The following SEPTIN9 variants were observed in gnomAD, a reference collection of about 807,000 sequenced individuals.
The protein encoded by SEPTIN9 is septin-9.
In SEPTIN9, 13 loss-of-function variants were observed where a neutral mutation model predicts 56.6. That is an observed-to-expected ratio of 0.23 (90% CI 0.15 to 0.37). The LOEUF is 0.37. Among genes scored for constraint, SEPTIN9 ranks in the 10% least tolerant of loss-of-function variants. The probability of loss-of-function intolerance (pLI) is 1.00; values close to 1 mark genes in which losing one functional copy is unlikely to be tolerated. For missense variants in SEPTIN9, 650 were observed against 823.1 expected (o/e 0.79, Z 2.57); for synonymous variants, 332 against 334.1 (o/e 0.99, Z 0.07).
intron 2 of SEPTIN9, among the ~76,000 whole-genome samples, chr17:77,385,086 C>T (rs9915085): frequency 0.22 from 32,648 of 151,606 alleles, 3,706 homozygotes; most frequent in East Asian, 0.5. Context: ...AATCCCAACA[C>T]TCTGGGAGGC....
At position 77,487,487 on chromosome 17, in the gene SEPTIN9, A is replaced by G; in HGVS notation, c.977A>G (p.Lys326Arg). The change falls in exon 5 of 12, where the codon AAG (lysine) becomes AGG (arginine). Residue 326 changes from lysine to arginine, a missense_variant. Physicochemically the swap from Lys to Arg is conservative, Grantham distance 26. This residue lies in a region of SEPTIN9 where 333 missense variants were observed against 494.0 expected (regional missense o/e 0.67). Coordinates refer to ENST00000427177, the MANE Select transcript of SEPTIN9 (RefSeq NM_001113491.2). The surrounding 1 kb of genome is among the most constrained non-coding windows in gnomAD (Gnocchi z 4.3). ...NTLFKSKISR[K>R]SVQPTSEERI... ...CTCTTCAAATCCAAAATCAGCCGGA[A>G]GTCGGTGCAGCCCACCTCAGAGGAG... The G allele has an allele frequency of 6.2e-7, 1 of 1,613,212 alleles. No homozygotes were observed. Among genetic ancestry groups the G allele is most frequent in the South Asian group, 1.1e-5 (1 of 90,928 alleles).
chr17:77,357,198 G>A (rs377656238), intron 2 of SEPTIN9, among the ~76,000 whole-genome samples: 2 of 152,236 alleles, frequency 1.3e-5, no homozygotes, highest in South Asian at 4.1e-4. Flanking sequence ...GGGAAGCAAG[G>A]GGGCTTGAAG....
In SEPTIN9 at chr17:77,475,966, G is replaced by A; in HGVS notation, c.722-6178G>A. The A allele has an allele frequency of 5.2e-6, 8 of 1,526,700 alleles. No homozygotes were observed. Among genetic ancestry groups the A allele is most frequent in the Non-Finnish European group, 7.1e-6 (8 of 1,120,068 alleles). 94.6% of individuals were successfully genotyped at this position (1,526,700 alleles called of 1,614,324 possible). On this transcript the variant is annotated intron_variant, in intron 3 of 11. Transcript: ENST00000427177. This position sits in a 1 kb window ranked among gnomAD's most constrained non-coding sequence, Gnocchi z 4.6. ...GAGCCAGGTGTGGGTTGGGTTTGGG[G>A]AAGACAGGGGAATGGCATTGACTTG...
intron 3 of SEPTIN9, among the ~76,000 whole-genome samples, chr17:77,474,133 C>T (rs2039116757): frequency 6.6e-6 from 1 of 152,252 alleles, no homozygotes; most frequent in South Asian, 2.1e-4. Context: ...TCAGCCCAAC[C>T]TGGGGCGGCC....
intron 3 of SEPTIN9, among the ~76,000 whole-genome samples, chr17:77,409,513 G>A (rs1392443327): frequency 6.6e-6 from 1 of 152,188 alleles, no homozygotes; most frequent in Middle Eastern, 3.2e-3. Flanking sequence ...TGCGGGGAAG[G>A]GTGGGGCCAG....
intron 3 of SEPTIN9, among the ~76,000 whole-genome samples, chr17:77,477,773 C>T (rs777837232): frequency 2.0e-5 from 3 of 152,096 alleles, no homozygotes; most frequent in Non-Finnish European, 4.4e-5. Flanking sequence ...GCTGCGGAGC[C>T]GGGAGGGAAG....
At position 77,455,192 on chromosome 17, in the gene SEPTIN9, T is replaced by G. The variant is rs1421594605; in HGVS notation, c.722-26952T>G. 2.6e-5 allele frequency among the ~76,000 whole-genome samples: 4 copies of G among 152,258 alleles called. No individual in the cohort carries two copies. The East Asian group carries it at 7.7e-4, about 29-fold the overall frequency. The stretch of plus-strand genomic sequence containing the variant: ...TAAGCTAAGGGTGGGGAACACCCTC[T>G]GTGAGATCTTGGCTCCTGAGCGCCC... On this transcript the variant is annotated intron_variant, in intron 3 of 11. Transcript: ENST00000427177.
chr17:77,359,641 A>G (rs2034353678), intron 2 of SEPTIN9, among the ~76,000 whole-genome samples: 1 of 152,010 alleles, frequency 6.6e-6, no homozygotes, highest in Non-Finnish European at 1.5e-5. Context: ...AAAAAATATA[A>G]AATGTAGCTG....
rs915989129 is a variant in SEPTIN9, at chr17:77,435,184, G to C, written c.721+32481G>C. ...GTAACCTGCCCAAGCCTCCCTCTGA[G>C]CATGGCAGAGGGAGGGTCCGAATGC... On this transcript the variant is annotated intron_variant, in intron 3 of 11. Transcript: ENST00000427177. This position sits in a 1 kb window ranked among gnomAD's most constrained non-coding sequence, Gnocchi z 4.5. Among the ~76,000 whole-genome samples, 3 of 152,170 alleles carry C rather than the reference G, an allele frequency of 2.0e-5. No individual in the cohort carries two copies. The highest frequency in any genetic ancestry group is 7.2e-5 in the African/African-American group (3 of 41,426).
rs1347493803 is a variant in SEPTIN9 at position 77,490,731 on chromosome 17, C to G, written c.1263-11C>G. On this transcript the variant is annotated splice_polypyrimidine_tract_variant and intron_variant, in intron 7 of 11. Coordinates refer to ENST00000427177, the MANE Select transcript of SEPTIN9 (RefSeq NM_001113491.2). The stretch of plus-strand genomic sequence containing the variant: ...CCCCAGATGAGCCTCACGCACATCC[C>G]TCTGCTTCAGCCTCAGGCCCCTGGA... 1.9e-6 allele frequency: 3 copies of G among 1,555,068 alleles called. No homozygotes were observed. Among genetic ancestry groups the G allele is most frequent in the Non-Finnish European group, 1.7e-6 (2 of 1,147,628 alleles).
chr17:77,432,396 A>C (rs902023321), intron 3 of SEPTIN9, among the ~76,000 whole-genome samples: 1 of 152,196 alleles, frequency 6.6e-6, no homozygotes, highest in African/African-American at 2.4e-5. Context: ...TTCTTCCCTC[A>C]GCAGGCTCTC....
chr17:77,293,274 C>T (rs184238069), intron 1 of SEPTIN9, among the ~76,000 whole-genome samples: 319 of 152,342 alleles, frequency 2.1e-3, no homozygotes, highest in African/African-American at 7.3e-3. Flanking sequence ...CTGCCTCAGC[C>T]TCCCAAAGTA....
chr17:77,410,653 C>T (rs56971972), intron 3 of SEPTIN9, among the ~76,000 whole-genome samples: 4,439 of 152,232 alleles, frequency 0.029, 223 homozygotes, highest in African/African-American at 0.1. Context: ...TCCTGTGCAG[C>T]GTGGTTAGAG....
chr17:77,481,828 C>T (rs933579013), intron 3 of SEPTIN9: 4 of 418,384 alleles, frequency 9.6e-6, no homozygotes, highest in African/African-American at 8.0e-5. Flanking sequence ...AGGGTCAGCC[C>T]TGCCTTGGAG....
chr17:77,452,706 T>C (rs1281029615), intron 3 of SEPTIN9, among the ~76,000 whole-genome samples: 1 of 151,894 alleles, frequency 6.6e-6, no homozygotes. Context: ...AAAGGCCCCA[T>C]TCCCTAATAA....
chr17:77,490,695 C>A lies in SEPTIN9; in HGVS notation c.1263-47C>A, dbSNP rs368432036. 53 of 1,438,346 alleles carry A rather than the reference C, an allele frequency of 3.7e-5. No individual in the cohort carries two copies. The African/African-American group carries it at 5.4e-4, about 15-fold the overall frequency. The allele number at this position is 1,438,346 out of a possible 1,614,324, so 89.1% of individuals were successfully genotyped here. A position where few individuals can be genotyped will look rare whatever the true frequency, so the allele number is the denominator to read the frequency against. On this transcript the variant is annotated intron_variant, in intron 7 of 11. Coordinates refer to ENST00000427177, the MANE Select transcript of SEPTIN9 (RefSeq NM_001113491.2). The stretch of plus-strand genomic sequence containing the variant: ...CTGCTTGGGGGTGGGTGCCCCCCCA[C>A]TGCCCCGCTCCCCCAGATGAGCCTC...
intron 3 of SEPTIN9, among the ~76,000 whole-genome samples, chr17:77,411,087 G>GAAA (rs34737205): frequency 5.3e-5 from 7 of 132,706 alleles, no homozygotes; most frequent in African/African-American, 1.6e-4. Flanking sequence ...TCCCATCTGG[G>GAAA]AAAAAAAAAA....
chr17:77,373,009 C>G (rs2034770738), intron 2 of SEPTIN9, among the ~76,000 whole-genome samples: 1 of 152,184 alleles, frequency 6.6e-6, no homozygotes, highest in Admixed American at 6.5e-5. Context: ...TCTGGGCGCC[C>G]GCCCTCCTCG....
intron 2 of SEPTIN9, among the ~76,000 whole-genome samples, chr17:77,342,253 C>T (rs1015925059): frequency 6.6e-6 from 1 of 152,150 alleles, no homozygotes; most frequent in Non-Finnish European, 1.5e-5. Flanking sequence ...GCAGGGCTGC[C>T]ACGAACCTTC....
Sources: gnomAD v4.1 joint callset for allele counts (sites outside exome capture counted in the v4.1 genomes callset) on GRCh38, gnomAD v4.1.1 for gene constraint, gnomAD v4.1.1 regional missense constraint, Gnocchi (gnomAD v3.1) non-coding constraint, MANE v1.5 for transcripts, NCBI Gene and HGNC (gene_info 2026-07-23, HGNC 2026-07-21) for gene names.